The following SHISA6 variants were observed in gnomAD, a reference collection of about 807,000 sequenced individuals.
SHISA6 encodes the protein protein shisa-6.
SHISA6 carries 22 observed loss-of-function variants against 47.9 expected under a neutral mutation model. That is an observed-to-expected ratio of 0.46 (90% CI 0.33 to 0.66). The LOEUF is 0.66. Ranked by LOEUF, SHISA6 falls within the 30% of genes least tolerant of loss-of-function variation. SHISA6 has a pLI of 0.02. For missense variants in SHISA6, 680 were observed against 764.6 expected (o/e 0.89, Z 1.30); for synonymous variants, 388 against 337.8 (o/e 1.15, Z -1.63).
chr17:11,420,587 A>G (rs1173177981), intron 3 of SHISA6, among the ~76,000 whole-genome samples: 1 of 152,190 alleles, frequency 6.6e-6, no homozygotes, highest in South Asian at 2.1e-4. Context: ...AGGTTCAAAA[A>G]AGATGCAGGC....
intron 3 of SHISA6, among the ~76,000 whole-genome samples, chr17:11,548,440 C>CATAT (rs10578711): frequency 0.011 from 1,666 of 148,538 alleles, 12 homozygotes; most frequent in East Asian, 0.017. Context: ...ATGCATATTT[C>CATAT]ATATATATAT....
intron 3 of SHISA6, among the ~76,000 whole-genome samples, chr17:11,544,596 C>G (rs9891248): frequency 0.018 from 2,797 of 152,250 alleles, 89 homozygotes; most frequent in African/African-American, 0.062. Context: ...AACTGGATCA[C>G]TCATTCATTT....
At chr17:11,370,166 C>T (rs1033754618) in intron 2 of SHISA6, among the ~76,000 whole-genome samples, 2 of 152,168 alleles carry the variant, frequency 1.3e-5, no homozygotes, top group Non-Finnish European at 2.9e-5. Flanking sequence ...AGATCACCAC[C>T]ATCAAGCACT....
chr17:11,249,355 G>A (rs988592304), intron 1 of SHISA6, among the ~76,000 whole-genome samples: 10 of 151,864 alleles, frequency 6.6e-5, no homozygotes, highest in Middle Eastern at 3.2e-3. Context: ...TGATTTCAGG[G>A]TTATCTTCTG....
At chr17:11,257,593 C>T (rs985984626) in intron 1 of SHISA6, among the ~76,000 whole-genome samples, 3 of 149,912 alleles carry the variant, frequency 2.0e-5, no homozygotes, top group Admixed American at 6.7e-5. Context: ...CCCAGGAAGC[C>T]GAGGCTGCAG....
chr17:11,420,368 G>A (rs1276272098), intron 3 of SHISA6, among the ~76,000 whole-genome samples: 2 of 152,180 alleles, frequency 1.3e-5, no homozygotes, highest in African/African-American at 4.8e-5. Flanking sequence ...GTTATGTGGA[G>A]GATGAAATAA....
chr17:11,323,437 C>T (rs1456328332), intron 2 of SHISA6, among the ~76,000 whole-genome samples: 1 of 151,962 alleles, frequency 6.6e-6, no homozygotes, highest in African/African-American at 2.4e-5. Context: ...GGTGGATCAC[C>T]TGAGGTCGGG....
intron 2 of SHISA6, among the ~76,000 whole-genome samples, chr17:11,336,824 A>C (rs959272840): frequency 1.3e-5 from 2 of 152,104 alleles, no homozygotes; most frequent in African/African-American, 4.8e-5. Context: ...GTGCTCTGTC[A>C]CCTCTGATTT....
intron 3 of SHISA6, among the ~76,000 whole-genome samples, chr17:11,535,951 C>T (rs1053084204): frequency 1.3e-5 from 2 of 151,534 alleles, no homozygotes; most frequent in African/African-American, 2.4e-5. Context: ...CATATATATA[C>T]ACATATAGAC....
chr17:11,358,104 A>G (rs946169095), intron 2 of SHISA6, among the ~76,000 whole-genome samples: 34 of 152,206 alleles, frequency 2.2e-4, no homozygotes, highest in Non-Finnish European at 3.8e-4. Context: ...GATGTTAAGT[A>G]TCTCCACACT....
intron 3 of SHISA6, among the ~76,000 whole-genome samples, chr17:11,518,658 AC>A (rs1286780841): frequency 1.3e-5 from 2 of 152,088 alleles, no homozygotes; most frequent in African/African-American, 2.4e-5. Flanking sequence ...CAGTAGAATC[AC>A]CTAGAGAGTT....
At chr17:11,342,253 A>G (rs2142213817) in intron 2 of SHISA6, among the ~76,000 whole-genome samples, 1 of 152,206 alleles carries the variant, frequency 6.6e-6, no homozygotes, top group Middle Eastern at 3.4e-3. Context: ...AAATCACCCA[A>G]GAGCCAAAGC....
chr17:11,486,835 C>T (rs997440967), intron 3 of SHISA6, among the ~76,000 whole-genome samples: 9 of 152,190 alleles, frequency 5.9e-5, no homozygotes, highest in East Asian at 3.9e-4. Flanking sequence ...AGAAGGAGCG[C>T]GAAAGAAATA....
intron 4 of SHISA6, among the ~76,000 whole-genome samples, chr17:11,554,172 T>C (rs1199880920): frequency 6.6e-6 from 1 of 152,186 alleles, no homozygotes; most frequent in Non-Finnish European, 1.5e-5. Flanking sequence ...TGCTGAGAGA[T>C]GAGTGGCTAT....
chr17:11,364,898 A>G (rs1912394105), intron 2 of SHISA6, among the ~76,000 whole-genome samples: 1 of 152,186 alleles, frequency 6.6e-6, no homozygotes, highest in Non-Finnish European at 1.5e-5. Context: ...CATTCTGGTG[A>G]GTGTAAGGTG....
intron 3 of SHISA6, among the ~76,000 whole-genome samples, chr17:11,416,064 GA>G (rs1460039661): frequency 1.3e-5 from 2 of 152,030 alleles, no homozygotes. Flanking sequence ...CTTCTTATAA[GA>G]CCACTAATTC....
intron 2 of SHISA6, among the ~76,000 whole-genome samples, chr17:11,302,659 G>C (rs1909969687): frequency 6.6e-6 from 1 of 152,166 alleles, no homozygotes; most frequent in African/African-American, 2.4e-5. Flanking sequence ...GGAACATCTG[G>C]ACCAGTCCAA....
chr17:11,384,669 T>C (rs542707410), intron 3 of SHISA6, among the ~76,000 whole-genome samples: 9 of 152,288 alleles, frequency 5.9e-5, no homozygotes, highest in African/African-American at 2.2e-4. Context: ...GCAGCGGCAG[T>C]GGCAGATGTG....
chr17:11,387,459 T>C (rs1913235245), intron 3 of SHISA6, among the ~76,000 whole-genome samples: 1 of 152,040 alleles, frequency 6.6e-6, no homozygotes. Flanking sequence ...GAGGAGGAGC[T>C]GTGGGGCTGG....
Sources: gnomAD v4.1 joint callset for allele counts (sites outside exome capture counted in the v4.1 genomes callset) on GRCh38, gnomAD v4.1.1 for gene constraint, MANE v1.5 for transcripts, NCBI Gene and HGNC (gene_info 2026-07-23, HGNC 2026-07-21) for gene names.